The following EPHB1 variants were observed in gnomAD, a reference collection of about 807,000 sequenced individuals.
EPHB1 encodes ephrin type-B receptor 1.
EPHB1 carries 30 observed loss-of-function variants against 94.4 expected under a neutral mutation model. The observed-to-expected ratio is 0.32, with a 90% CI of 0.24 to 0.43. The LOEUF (loss-of-function observed/expected upper bound fraction) is 0.43, where lower values mean the gene tolerates loss of function less well. Among genes scored for constraint, EPHB1 ranks in the 20% least tolerant of loss-of-function variants. EPHB1 has a pLI of 1.00. For missense variants in EPHB1, 1,055 were observed against 1,308.3 expected, an observed-to-expected ratio of 0.81 and a Z score of 2.99; for synonymous variants, 522 against 489.1, an observed-to-expected ratio of 1.07 and a Z score of -0.89.
At chr3:134,824,574 C>A (rs62272413) in intron 1 of EPHB1, among the ~76,000 whole-genome samples, 17,561 of 152,202 alleles carry the variant, frequency 0.12, 1,145 homozygotes, top group South Asian at 0.31. Context: ...AACTTGCCAA[C>A]CCAGAGTCTA....
intron 3 of EPHB1, among the ~76,000 whole-genome samples, chr3:135,032,643 G>A (rs1936515907): frequency 6.6e-6 from 1 of 152,184 alleles, no homozygotes; most frequent in African/African-American, 2.4e-5. Context: ...ATTGATGAAT[G>A]GGTGCCATTG....
At chr3:135,083,005 C>T (rs1477789219) in intron 3 of EPHB1, among the ~76,000 whole-genome samples, 1 of 152,184 alleles carries the variant, frequency 6.6e-6, no homozygotes, top group Non-Finnish European at 1.5e-5. Context: ...AGCAATTCTG[C>T]ACGTGGATGG....
At chr3:134,948,769 C>G (rs2039264316) in intron 2 of EPHB1, among the ~76,000 whole-genome samples, 1 of 152,244 alleles carries the variant, frequency 6.6e-6, no homozygotes, top group South Asian at 2.1e-4. Context: ...TGTGCTGCAG[C>G]CCCCTCAGGG....
chr3:134,923,510 T>C (rs2038729606), intron 1 of EPHB1, among the ~76,000 whole-genome samples: 3 of 152,150 alleles, frequency 2.0e-5, no homozygotes, highest in Non-Finnish European at 2.9e-5. Context: ...GGTTCCTGAG[T>C]GCCATGTTAG....
intron 3 of EPHB1, among the ~76,000 whole-genome samples, chr3:134,953,683 C>G (rs545075245): frequency 1.3e-4 from 20 of 152,280 alleles, no homozygotes; most frequent in Non-Finnish European, 2.6e-4. Context: ...GGCTGGGGCA[C>G]TCTCATTTTT....
At chr3:135,222,543 G>A (rs2107720731) in intron 12 of EPHB1, among the ~76,000 whole-genome samples, 1 of 152,324 alleles carries the variant, frequency 6.6e-6, no homozygotes, top group African/African-American at 2.4e-5. Flanking sequence ...GAACACTGAA[G>A]AGGGCCTTTC....
At chr3:135,208,290 C>CTTGT (rs1283544628) in intron 12 of EPHB1, among the ~76,000 whole-genome samples, 6,319 of 142,740 alleles carry the variant, frequency 0.044, 199 homozygotes, top group South Asian at 0.085. Context: ...CCTTTCATGA[C>CTTGT]GTGTGTGTGT....
intron 12 of EPHB1, among the ~76,000 whole-genome samples, chr3:135,235,538 A>T (rs549032786): frequency 3.9e-5 from 6 of 152,266 alleles, no homozygotes; most frequent in East Asian, 1.9e-4. Flanking sequence ...ATCACCAAAA[A>T]CCTACCAATG....
At chr3:134,856,298 G>T (rs781646374) in intron 1 of EPHB1, among the ~76,000 whole-genome samples, 1 of 152,132 alleles carries the variant, frequency 6.6e-6, no homozygotes, top group Non-Finnish European at 1.5e-5. Flanking sequence ...CAGTGTATAG[G>T]CACCCCATGG....
intron 9 of EPHB1, among the ~76,000 whole-genome samples, chr3:135,170,462 GCC>G (rs1941774067): frequency 7.8e-6 from 1 of 128,918 alleles, no homozygotes; most frequent in Non-Finnish European, 1.6e-5. Context: ...TGGGTGTGGT[GCC>G]AGATGCTCTT....
chr3:135,226,195 T>TG, intron 12 of EPHB1, among the ~76,000 whole-genome samples: 1 of 152,304 alleles, frequency 6.6e-6, no homozygotes, highest in South Asian at 2.1e-4. Context: ...ACGGCTTGCA[T>TG]GCTGCTCTTG....
intron 1 of EPHB1, among the ~76,000 whole-genome samples, chr3:134,802,909 A>T (rs1217743840): frequency 6.6e-6 from 1 of 152,134 alleles, no homozygotes; most frequent in Admixed American, 6.5e-5. Context: ...GCCCTTCACT[A>T]CACTATAATG....
chr3:134,799,772 A>G lies in EPHB1; in HGVS notation c.58+4083A>G, dbSNP rs1578094182. 5.3e-5 allele frequency among the ~76,000 whole-genome samples: 8 copies of G among 152,322 alleles called. No homozygotes were observed. The South Asian group carries it at 1.7e-3, about 32-fold the overall frequency. ...GCCCCTACTTTGTTTTTTCACAAGA[A>G]TGGGTACCGATGACCAAGATGTGCT... On this transcript the variant is annotated intron_variant, in intron 1 of 15. Coordinates refer to ENST00000398015, the MANE Select transcript of EPHB1 (RefSeq NM_004441.5).
intron 1 of EPHB1, among the ~76,000 whole-genome samples, chr3:134,901,756 G>A (rs185476620): frequency 1.7e-3 from 260 of 152,372 alleles, no homozygotes; most frequent in Non-Finnish European, 2.8e-3. Flanking sequence ...CTGGGGAGCT[G>A]TGTGGGTGGC....
intron 12 of EPHB1, among the ~76,000 whole-genome samples, chr3:135,225,054 G>T (rs956372472): frequency 6.6e-6 from 1 of 152,104 alleles, no homozygotes; most frequent in South Asian, 2.1e-4. Flanking sequence ...GCACGTTGAG[G>T]GGGGAAGCAG....
chr3:134,894,163 A>C (rs555181732), intron 1 of EPHB1, among the ~76,000 whole-genome samples: 6 of 152,322 alleles, frequency 3.9e-5, no homozygotes, highest in African/African-American at 9.6e-5. Flanking sequence ...CTTGCAGCCC[A>C]GCACGTGTGG....
chr3:135,106,718 T>C, intron 4 of EPHB1, 115 bp downstream of exon 4: 1 of 1,343,700 alleles, frequency 7.4e-7, no homozygotes, highest in South Asian at 1.4e-5. Flanking sequence ...CAAAGCAGAA[T>C]TGCTGGCCAT....
chr3:135,032,772 A>G (rs1936520971), intron 3 of EPHB1, among the ~76,000 whole-genome samples: 1 of 152,142 alleles, frequency 6.6e-6, no homozygotes. Flanking sequence ...TTATTTATTC[A>G]TTTGGTGGGA....
At chr3:135,091,839 C>G (rs193177234) in intron 3 of EPHB1, among the ~76,000 whole-genome samples, 342 of 152,250 alleles carry the variant, frequency 2.2e-3, no homozygotes, top group African/African-American at 7.5e-3. Flanking sequence ...ACCTGGCTGA[C>G]CTATGTGTGC....
Sources: allele counts gnomAD v4.1 joint callset (sites outside exome capture counted in the v4.1 genomes callset), GRCh38; gene constraint gnomAD v4.1.1; transcripts MANE v1.5; gene names NCBI Gene and HGNC (gene_info 2026-07-23, HGNC 2026-07-21).